The following MTSS2 variants were observed in gnomAD, a reference collection of about 807,000 sequenced individuals.
The protein encoded by MTSS2 is protein MTSS 2.
MTSS2 carries 27 observed loss-of-function variants against 67.1 expected under a neutral mutation model. The ratio of observed to expected loss-of-function variants is 0.40; its 90% CI spans 0.30 to 0.55. The LOEUF (loss-of-function observed/expected upper bound fraction) is 0.55, where lower values mean the gene tolerates loss of function less well. Among genes scored for constraint, MTSS2 ranks in the 20% least tolerant of loss-of-function variants. The probability of loss-of-function intolerance (pLI) is 0.43; values close to 1 mark genes in which losing one functional copy is unlikely to be tolerated. For synonymous variants in MTSS2, 624 were observed against 468.6 expected (o/e 1.33, Z -4.28); for missense variants, 1,171 against 1,067.8 (o/e 1.10, Z -1.35).
intron 11 of MTSS2, among the ~76,000 whole-genome samples, chr16:70,667,718 C>G (rs1033063610): frequency 1.3e-5 from 2 of 151,602 alleles, no homozygotes; most frequent in Admixed American, 6.6e-5. Context: ...ACTAAAAATA[C>G]AAAAATTAGC....
chr16:70,678,686 G>A (rs1004144920), intron 7 of MTSS2, among the ~76,000 whole-genome samples: 5 of 152,224 alleles, frequency 3.3e-5, no homozygotes, highest in African/African-American at 1.2e-4. Context: ...TTGGCGCCCA[G>A]GAGCTCTGCC....
chr16:70,671,959 C>A (rs1441015200), intron 11 of MTSS2, among the ~76,000 whole-genome samples: 1 of 152,196 alleles, frequency 6.6e-6, no homozygotes, highest in Non-Finnish European at 1.5e-5. Context: ...GACCGATATT[C>A]TTCAAAAGTA....
intron 10 of MTSS2, among the ~76,000 whole-genome samples, chr16:70,675,315 T>G (rs1278234499): frequency 6.6e-6 from 1 of 151,588 alleles, no homozygotes; most frequent in African/African-American, 2.4e-5. Context: ...CCCAGCTACT[T>G]GGGAAGCTGA....
At chr16:70,670,910 C>A (rs1296174805) in intron 11 of MTSS2, among the ~76,000 whole-genome samples, 1 of 144,342 alleles carries the variant, frequency 6.9e-6, no homozygotes, top group Non-Finnish European at 1.5e-5. Context: ...TTTGAGACTG[C>A]ACTGAGCAAG....
At chr16:70,678,529 G>C (rs1567503113) in intron 7 of MTSS2, 120 bp from the exon 8 acceptor site, 11 of 1,221,072 alleles carry the variant, frequency 9.0e-6, no homozygotes, top group Non-Finnish European at 1.1e-5. Flanking sequence ...TTGCCCTGGG[G>C]CCAGGGGACT....
At chr16:70,671,367 A>T (rs1217526150) in intron 11 of MTSS2, among the ~76,000 whole-genome samples, 1 of 150,988 alleles carries the variant, frequency 6.6e-6, no homozygotes, top group South Asian at 2.1e-4. Context: ...GCACCATTGC[A>T]CTCCAGCCTG....
intron 11 of MTSS2, 152 bp downstream of exon 11, chr16:70,674,154 T>C: frequency 1.5e-6 from 1 of 646,108 alleles, no homozygotes; most frequent in Non-Finnish European, 2.6e-6. Context: ...ATAATATAAA[T>C]ACTGAACAGA....
chr16:70,679,576 G>A (rs2053230389), intron 6 of MTSS2, 54 bp downstream of exon 6: 1 of 1,528,644 alleles, frequency 6.5e-7, no homozygotes, highest in Admixed American at 2.0e-5. Flanking sequence ...CGGGGCGGTG[G>A]GGCTGTGGAG....
At chr16:70,665,213 G>T in intron 12 of MTSS2, 117 bp from the exon 13 acceptor site, 3 of 1,212,758 alleles carry the variant, frequency 2.5e-6, no homozygotes, top group Non-Finnish European at 3.4e-6. Context: ...TCTCTGGTTC[G>T]CAATCACAGC....
intron 10 of MTSS2, 47 bp from the exon 11 acceptor site, chr16:70,674,575 AG>A: frequency 6.5e-7 from 1 of 1,547,138 alleles, no homozygotes; most frequent in Non-Finnish European, 8.8e-7. Flanking sequence ...AGGGAGACAG[AG>A]GGGTGTGTGT....
rs1389547492 is a variant in MTSS2, at chr16:70,665,005, G to A, written c.1220C>T (p.Pro407Leu). 1 of 1,594,014 alleles carries A rather than the reference G, an allele frequency of 6.3e-7. No individual in the cohort carries two copies. Among genetic ancestry groups the A allele is most frequent in the South Asian group, 1.1e-5 (1 of 89,406 alleles). ...CAGGGTGCCCCCACTGGCAGGGCCTGGCTCTGTGTCTCGCAGGAGCTCCAC... is the reference window on the plus strand; with the variant it reads ...CAGGGTGCCCCCACTGGCAGGGCCTAGCTCTGTGTCTCGCAGGAGCTCCAC... ...DRVELLRDTEPGPASGGTLGP... is the reference protein window; with the variant it reads ...DRVELLRDTELGPASGGTLGP... Residue 407 changes from proline to leucine, a missense_variant, in exon 13 of 15, where the codon CCA becomes CTA. Coordinates refer to ENST00000338779, the MANE Select transcript of MTSS2 (RefSeq NM_138383.3).
chr16:70,679,095 G>A (rs1303266788), intron 7 of MTSS2, among the ~76,000 whole-genome samples: 2 of 152,130 alleles, frequency 1.3e-5, no homozygotes, highest in Middle Eastern at 3.2e-3. Context: ...ACCCCTCCTG[G>A]CCTGGCAGAC....
rs185633269 is a variant in MTSS2 at position 70,676,017 on chromosome 16, C to T, written c.830+864G>A. Reference sequence around the variant, plus strand: ...TGCAATCAGCCCCTTCACTGTGGGACGGCCACCCACGCAGGGTCTGAAGAG... The same window carrying T: ...TGCAATCAGCCCCTTCACTGTGGGATGGCCACCCACGCAGGGTCTGAAGAG... On this transcript the variant is annotated intron_variant, in intron 10 of 14. Transcript: ENST00000338779. Among the ~76,000 whole-genome samples, 157 of 152,336 alleles carry T rather than the reference C, an allele frequency of 1.0e-3. 3 individuals are homozygous for T. The highest frequency in any genetic ancestry group is 3.3e-3 in the Admixed American group (50 of 15,312).
intron 1 of MTSS2, among the ~76,000 whole-genome samples, chr16:70,682,243 G>C (rs901783148): frequency 1.3e-5 from 2 of 152,222 alleles, no homozygotes; most frequent in African/African-American, 4.8e-5. Context: ...TGGGTAAGCT[G>C]TGGGTGGGCT....
chr16:70,664,650 G>T lies in MTSS2; in HGVS notation c.1419C>A (p.Tyr473Ter). The T allele has an allele frequency of 6.2e-7, 1 of 1,613,298 alleles. No individual in the cohort carries two copies. The highest frequency in any genetic ancestry group is 8.5e-7 in the Non-Finnish European group (1 of 1,179,908). ...AGGAGGGCGTGGTGGTCTGCGTGCT[G>T]TAGCCGCTGGAGTACTGCAGCGAGT... The part of the protein sequence containing the change: ...SRDSLQYSSG[Y>*]STQTTTPSCS... The change falls in exon 14 of 15, where the codon TAC (tyrosine) becomes TAA (stop). Residue 473 changes from tyrosine to a stop codon, truncating the protein, a stop_gained. Transcript: ENST00000338779. LOFTEE classifies it high-confidence loss of function.
chr16:70,675,867 C>T (rs1283279051), intron 10 of MTSS2, among the ~76,000 whole-genome samples: 1 of 152,218 alleles, frequency 6.6e-6, no homozygotes, highest in Non-Finnish European at 1.5e-5. Context: ...CTCTCCAATC[C>T]CTCAAGGGTG....
At chr16:70,683,030 G>A (rs187373778) in intron 1 of MTSS2, among the ~76,000 whole-genome samples, 24 of 152,356 alleles carry the variant, frequency 1.6e-4, no homozygotes, top group African/African-American at 4.8e-4. Context: ...AGGGACTGCT[G>A]GGATGTGAGA....
At position 70,677,912 on chromosome 16, in the gene MTSS2, C is replaced by T. The variant is rs746505968; in HGVS notation, c.625-13G>A. On this transcript the variant is annotated splice_polypyrimidine_tract_variant and intron_variant, in intron 8 of 14. Coordinates refer to ENST00000338779, the MANE Select transcript of MTSS2 (RefSeq NM_138383.3). ...TCAGCTCTCCATTCTGAGGAAGCAGCGAGTCAGACCTGCTGGCCCTATCGC... is the reference window on the plus strand; with the variant it reads ...TCAGCTCTCCATTCTGAGGAAGCAGTGAGTCAGACCTGCTGGCCCTATCGC... 11 of 1,570,072 alleles carry T rather than the reference C, an allele frequency of 7.0e-6. No homozygotes were observed. Among genetic ancestry groups the T allele is most frequent in the Middle Eastern group, 1.7e-4 (1 of 5,988 alleles).
intron 11 of MTSS2, 181 bp from the exon 12 acceptor site, chr16:70,665,721 A>G (rs763827700): frequency 1.6e-5 from 9 of 562,450 alleles, no homozygotes; most frequent in South Asian, 1.5e-4. Flanking sequence ...GCAGCAGCAC[A>G]CAGCAGCCCA....
Sources: allele counts gnomAD v4.1 joint callset (sites outside exome capture counted in the v4.1 genomes callset), GRCh38; gene constraint gnomAD v4.1.1; transcripts MANE v1.5; gene names NCBI Gene and HGNC (gene_info 2026-07-23, HGNC 2026-07-21).